CTTNBP2NL: variants seen among roughly 807,000 people sequenced by gnomAD.
CTTNBP2NL encodes the protein CTTNBP2 N-terminal-like protein.
Under a neutral mutation model 32.5 loss-of-function variants are expected in CTTNBP2NL, and 16 were observed. The observed-to-expected ratio is 0.49, with a 90% CI of 0.33 to 0.75. The LOEUF is 0.75. Among genes scored for constraint, CTTNBP2NL ranks in the 30% least tolerant of loss-of-function variants. The probability of loss-of-function intolerance (pLI) is 0.02; values close to 1 mark genes in which losing one functional copy is unlikely to be tolerated. For missense variants in CTTNBP2NL, 645 were observed against 756.0 expected (o/e 0.85, Z 1.72); for synonymous variants, 298 against 289.4 (o/e 1.03, Z -0.30).
At chr1:112,402,273 C>G in intron 1 of CTTNBP2NL, among the ~76,000 whole-genome samples, 1 of 152,100 alleles carries the variant, frequency 6.6e-6, no homozygotes, top group Non-Finnish European at 1.5e-5. Flanking sequence ...ACAAAATTAG[C>G]CAGGCATGTT....
rs892037996 is a variant in CTTNBP2NL, at chr1:112,426,895, C to T, written c.99+10631C>T. Among the ~76,000 whole-genome samples, 6 of 152,036 alleles carry T rather than the reference C, an allele frequency of 3.9e-5. No homozygotes were observed. In the East Asian group the frequency reaches 5.8e-4, roughly 15 times the overall value. ...TTCTGGGATTACAGGGTTGAGCCAC[C>T]GCACCTGGCCTCCCCATGGCAAAAC... On this transcript the variant is annotated intron_variant, in intron 3 of 5. Transcript: ENST00000271277.
chr1:112,424,351 T>C (rs1309065676), intron 3 of CTTNBP2NL, among the ~76,000 whole-genome samples: 4 of 152,232 alleles, frequency 2.6e-5, no homozygotes, highest in Non-Finnish European at 4.4e-5. Context: ...ATGTGTTTAT[T>C]TCTAGACCCT....
At chr1:112,402,182 G>A (rs1297513071) in intron 1 of CTTNBP2NL, among the ~76,000 whole-genome samples, 1 of 152,126 alleles carries the variant, frequency 6.6e-6, no homozygotes, top group Non-Finnish European at 1.5e-5. Context: ...ACTTTGGGAG[G>A]CTGAGGCAGG....
At chr1:112,409,869 A>G (rs1177563857) in intron 1 of CTTNBP2NL, among the ~76,000 whole-genome samples, 2 of 152,190 alleles carry the variant, frequency 1.3e-5, no homozygotes, top group African/African-American at 4.8e-5. Flanking sequence ...AGCCACACCA[A>G]CATACTTCTA....
chr1:112,435,820 T>C (rs1557893203), intron 3 of CTTNBP2NL, among the ~76,000 whole-genome samples: 1 of 152,230 alleles, frequency 6.6e-6, no homozygotes, highest in Non-Finnish European at 1.5e-5. Context: ...TCCTATCAAA[T>C]TGGGGTGTGA....
At chr1:112,429,630 A>C (rs977764903) in intron 3 of CTTNBP2NL, among the ~76,000 whole-genome samples, 14 of 152,186 alleles carry the variant, frequency 9.2e-5, no homozygotes, top group Admixed American at 2.0e-4. Context: ...TAATCTTTAC[A>C]CAATGAAGTA....
At chr1:112,415,993 G>T in intron 2 of CTTNBP2NL, 164 bp from the exon 3 acceptor site, 1 of 541,600 alleles carries the variant, frequency 1.8e-6, no homozygotes, top group Non-Finnish European at 3.2e-6. Flanking sequence ...TTGTTGCTTA[G>T]TTTGTGATTA....
intron 4 of CTTNBP2NL, among the ~76,000 whole-genome samples, chr1:112,451,356 C>G (rs1382438065): frequency 6.8e-6 from 1 of 147,950 alleles, no homozygotes; most frequent in Non-Finnish European, 1.5e-5. Flanking sequence ...AAATCCTGAG[C>G]CTGTCACACT....
At chr1:112,448,102 G>A (rs1228152018) in intron 3 of CTTNBP2NL, among the ~76,000 whole-genome samples, 3 of 152,114 alleles carry the variant, frequency 2.0e-5, no homozygotes, top group East Asian at 1.9e-4. Flanking sequence ...CAGGGCTAAC[G>A]TCCTTGACCA....
chr1:112,426,752 G>A (rs989795450), intron 3 of CTTNBP2NL, among the ~76,000 whole-genome samples: 1 of 151,362 alleles, frequency 6.6e-6, no homozygotes, highest in Non-Finnish European at 1.5e-5. Flanking sequence ...GATTACAGTT[G>A]CCCACCACCA....
chr1:112,416,085 C>G, intron 2 of CTTNBP2NL, 72 bp from the exon 3 acceptor site: 1 of 815,454 alleles, frequency 1.2e-6, no homozygotes, highest in Non-Finnish European at 2.1e-6. Context: ...TTATCTCTCA[C>G]TTTATTTTTT....
chr1:112,404,398 G>A (rs1025754879), intron 1 of CTTNBP2NL, among the ~76,000 whole-genome samples: 1 of 152,116 alleles, frequency 6.6e-6, no homozygotes, highest in Non-Finnish European at 1.5e-5. Flanking sequence ...TATGGGCATC[G>A]CTAAAACACA....
chr1:112,418,288 C>A (rs1454453990), intron 3 of CTTNBP2NL, among the ~76,000 whole-genome samples: 2 of 152,102 alleles, frequency 1.3e-5, no homozygotes, highest in Non-Finnish European at 2.9e-5. Context: ...GAGCTACATT[C>A]CTATTCCAAA....
chr1:112,416,037 T>C, intron 2 of CTTNBP2NL, 120 bp from the exon 3 acceptor site: 1 of 636,122 alleles, frequency 1.6e-6, no homozygotes, highest in South Asian at 1.9e-5. Flanking sequence ...TAATTTCAAC[T>C]ATTTCCTTTA....
At chr1:112,413,136 A>G (rs1648933896) in intron 2 of CTTNBP2NL, among the ~76,000 whole-genome samples, 2 of 152,220 alleles carry the variant, frequency 1.3e-5, no homozygotes, top group South Asian at 2.1e-4. Flanking sequence ...ATAACAGATC[A>G]AAGACTTTTT....
At chr1:112,419,964 C>T (rs1649177240) in intron 3 of CTTNBP2NL, among the ~76,000 whole-genome samples, 1 of 152,140 alleles carries the variant, frequency 6.6e-6, no homozygotes, top group African/African-American at 2.4e-5. Flanking sequence ...CTATAACTGA[C>T]AGAAGTCCAA....
intron 3 of CTTNBP2NL, among the ~76,000 whole-genome samples, chr1:112,430,701 G>A (rs1357536709): frequency 2.0e-5 from 3 of 152,046 alleles, no homozygotes; most frequent in Admixed American, 6.6e-5. Flanking sequence ...CTACAGGTGC[G>A]TGCCACCTTG....
At chr1:112,436,840 G>A (rs72699007) in intron 3 of CTTNBP2NL, among the ~76,000 whole-genome samples, 3,032 of 152,118 alleles carry the variant, frequency 0.02, 43 homozygotes, top group South Asian at 0.035. Flanking sequence ...AGTGTCTGTC[G>A]TTCCTCTCTT....
At chr1:112,426,836 C>G (rs560418214) in intron 3 of CTTNBP2NL, among the ~76,000 whole-genome samples, 35 of 152,178 alleles carry the variant, frequency 2.3e-4, no homozygotes, top group African/African-American at 8.4e-4. Context: ...AAACTCCTGA[C>G]CTCAAGTGAT....
Sources: allele counts gnomAD v4.1 joint callset (sites outside exome capture counted in the v4.1 genomes callset), GRCh38; gene constraint gnomAD v4.1.1; transcripts MANE v1.5; gene names NCBI Gene and HGNC (gene_info 2026-07-23, HGNC 2026-07-21).